REEP3: variants seen among roughly 807,000 people sequenced by gnomAD.
REEP3 encodes receptor accessory protein 3.
Under a neutral mutation model 41.3 loss-of-function variants are expected in REEP3, and 20 were observed. The observed-to-expected ratio is 0.48, with a 90% CI of 0.34 to 0.70. The LOEUF (loss-of-function observed/expected upper bound fraction) is 0.70, where lower values mean the gene tolerates loss of function less well. Ranked by LOEUF, REEP3 falls within the 30% of genes least tolerant of loss-of-function variation. The pLI is 0.01. For synonymous variants in REEP3, 104 were observed against 101.8 expected (o/e 1.02, Z -0.13); for missense variants, 271 against 308.8 (o/e 0.88, Z 0.92).
At chr10:63,581,867 CTTT>C (rs34810180) in intron 2 of REEP3, among the ~76,000 whole-genome samples, 2 of 141,174 alleles carry the variant, frequency 1.4e-5, no homozygotes, top group Admixed American at 1.4e-4. Flanking sequence ...GGTTCAGCTC[CTTT>C]TTTTTTTTTT....
At chr10:63,563,024 A>C (rs1164149773) in intron 1 of REEP3, 2 of 456,350 alleles carry the variant, frequency 4.4e-6, no homozygotes, top group Admixed American at 4.7e-5. Flanking sequence ...CCACACACAC[A>C]AACTGAGGGG....
chr10:63,538,630 A>G (rs1955497810), intron 1 of REEP3, among the ~76,000 whole-genome samples: 2 of 152,178 alleles, frequency 1.3e-5, no homozygotes, highest in Admixed American at 6.5e-5. Context: ...GATACTCGGG[A>G]GGCTGAGGCA....
chr10:63,542,460 T>A lies in REEP3; in HGVS notation c.32+20883T>A, dbSNP rs115079276. Among the ~76,000 whole-genome samples the A allele has an allele frequency of 2.6e-3, 403 of 152,332 alleles. 3 individuals are homozygous for A. The highest frequency in any genetic ancestry group is 9.0e-3 in the African/African-American group (375 of 41,570). Reference sequence around the variant, plus strand: ...CTGTTCTTCATTAACTCACAGACATTGCTGAAAGGCACAAATGTGATATTC... The same window carrying A: ...CTGTTCTTCATTAACTCACAGACATAGCTGAAAGGCACAAATGTGATATTC... On this transcript the variant is annotated intron_variant, in intron 1 of 7. Transcript: ENST00000373758.
Position 63,595,766 on chromosome 10 carries a change from C to T in REEP3, c.182+912C>T, listed in dbSNP as rs529821155. 7.2e-5 allele frequency among the ~76,000 whole-genome samples: 11 copies of T among 152,188 alleles called. No homozygotes were observed. In the South Asian group the frequency reaches 1.7e-3, roughly 23 times the overall value. ...CTAATTTTTGTATTTTTAATAGAGACGGGGTTTCACCATGTTAGCCAGGCT... is the reference window on the plus strand; with the variant it reads ...CTAATTTTTGTATTTTTAATAGAGATGGGGTTTCACCATGTTAGCCAGGCT... On this transcript the variant is annotated intron_variant, in intron 3 of 7. Transcript: ENST00000373758.
intron 7 of REEP3, 69 bp from the exon 8 acceptor site, chr10:63,620,742 AAC>A: frequency 1.0e-6 from 1 of 972,920 alleles, no homozygotes; most frequent in Non-Finnish European, 1.5e-6. Flanking sequence ...TATGATTATG[AAC>A]TATTAAATCT....
At position 63,609,426 on chromosome 10, in the gene REEP3, TG is replaced by T. The variant is rs1379390298; in HGVS notation, c.418-758del. Reference sequence around the variant, plus strand: ...GAGATTGCGCCACTGCACTCCAGCTTGGGCGACAAAGCGAGACTCTGTCTCA... The same window carrying T: ...GAGATTGCGCCACTGCACTCCAGCTTGGCGACAAAGCGAGACTCTGTCTCA... On this transcript the variant is annotated intron_variant, in intron 5 of 7. Coordinates refer to ENST00000373758, the MANE Select transcript of REEP3 (RefSeq NM_001001330.3). 6.3e-5 allele frequency among the ~76,000 whole-genome samples: 8 copies of T among 127,334 alleles called. No homozygotes were observed. The Admixed American group carries it at 7.0e-4, about 11-fold the overall frequency. The allele number at this position is 127,334 out of a possible 152,430, so 83.5% of individuals were successfully genotyped here.
At chr10:63,603,486 A>G (rs1010608567) in intron 5 of REEP3, among the ~76,000 whole-genome samples, 28 of 152,230 alleles carry the variant, frequency 1.8e-4, no homozygotes, top group Admixed American at 1.4e-3. Context: ...TACGTTTAAC[A>G]CCTTAAAATC....
chr10:63,527,771 G>A (rs748881949), intron 1 of REEP3, among the ~76,000 whole-genome samples: 2 of 151,948 alleles, frequency 1.3e-5, no homozygotes, highest in Non-Finnish European at 2.9e-5. Context: ...GAACCCATAC[G>A]TTTGTTTAGA....
intron 2 of REEP3, among the ~76,000 whole-genome samples, chr10:63,576,241 G>A (rs1955897835): frequency 2.0e-5 from 3 of 152,124 alleles, no homozygotes; most frequent in Admixed American, 1.3e-4. Flanking sequence ...GATCTGACTA[G>A]ACTATAGAAT....
intron 2 of REEP3, among the ~76,000 whole-genome samples, chr10:63,593,983 G>C (rs1428289938): frequency 6.6e-6 from 1 of 152,016 alleles, no homozygotes; most frequent in Non-Finnish European, 1.5e-5. Context: ...ATTGTTGTTT[G>C]CTTTCTGAAC....
At chr10:63,615,718 T>A (rs1302470459) in intron 6 of REEP3, among the ~76,000 whole-genome samples, 2 of 152,046 alleles carry the variant, frequency 1.3e-5, no homozygotes, top group Non-Finnish European at 2.9e-5. Flanking sequence ...CTAAGTTTTG[T>A]ATTTTTAAGT....
chr10:63,533,725 T>TTTTTTTTTTTTTTTTTTTTTAAG, intron 1 of REEP3, among the ~76,000 whole-genome samples: 1 of 143,798 alleles, frequency 7.0e-6, no homozygotes, highest in African/African-American at 2.5e-5. Flanking sequence ...TTTTTTTTTT[T>TTTTTTTTTTTTTTTTTTTTTAAG]GAGACGGAGT....
intron 5 of REEP3, among the ~76,000 whole-genome samples, chr10:63,604,659 A>AT (rs779056972): frequency 6.6e-6 from 1 of 152,186 alleles, no homozygotes; most frequent in Non-Finnish European, 1.5e-5. Flanking sequence ...TTAAAAAAAA[A>AT]GGGAAGAATG....
chr10:63,603,245 G>A (rs996906106), intron 5 of REEP3, among the ~76,000 whole-genome samples: 12 of 147,848 alleles, frequency 8.1e-5, no homozygotes, highest in African/African-American at 1.8e-4. Context: ...CCCAGGAGGC[G>A]GAGCTTGCAG....
At chr10:63,580,668 T>C (rs1955945312) in intron 2 of REEP3, among the ~76,000 whole-genome samples, 1 of 152,126 alleles carries the variant, frequency 6.6e-6, no homozygotes, top group Non-Finnish European at 1.5e-5. Flanking sequence ...GAAAAGAGTT[T>C]AAGCAAGCAG....
Position 63,622,645 on chromosome 10 carries a change from C to G in REEP3, c.*1776C>G. The G allele has an allele frequency of 6.6e-6, 1 of 151,318 alleles. No individual in the cohort carries two copies. The highest frequency in any genetic ancestry group is 1.9e-4 in the East Asian group (1 of 5,182). 9.4% of individuals were successfully genotyped at this position (151,318 alleles called of 1,614,324 possible). A position where few individuals can be genotyped will look rare whatever the true frequency, so the allele number is the denominator to read the frequency against. On this transcript the variant is annotated 3_prime_UTR_variant, in exon 8 of 8. Coordinates refer to ENST00000373758, the MANE Select transcript of REEP3 (RefSeq NM_001001330.3). ...TCAAAGACAGTATCATCTGAAGTTG[C>G]CTAATAAGGTCATGTGAGTCAAGAA...
chr10:63,572,020 G>A (rs1190521451), intron 2 of REEP3, among the ~76,000 whole-genome samples: 1 of 152,156 alleles, frequency 6.6e-6, no homozygotes, highest in Non-Finnish European at 1.5e-5. Flanking sequence ...TGGACGTTCG[G>A]GGGCCACGGC....
chr10:63,597,963 G>A (rs963940115), intron 3 of REEP3, 61 bp from the exon 4 acceptor site: 7 of 1,441,706 alleles, frequency 4.9e-6, no homozygotes, highest in South Asian at 3.9e-5. Flanking sequence ...AGGTGTTTTT[G>A]TGATTTCTAC....
At chr10:63,539,892 A>T (rs1322996654) in intron 1 of REEP3, among the ~76,000 whole-genome samples, 1 of 152,184 alleles carries the variant, frequency 6.6e-6, no homozygotes, top group Non-Finnish European at 1.5e-5. Flanking sequence ...ACTAGAGGAT[A>T]TGAGAGAAAA....
Sources: gnomAD v4.1 joint callset for allele counts (sites outside exome capture counted in the v4.1 genomes callset) on GRCh38, gnomAD v4.1.1 for gene constraint, MANE v1.5 for transcripts, NCBI Gene and HGNC (gene_info 2026-07-23, HGNC 2026-07-21) for gene names.